The following GALNTL6 variants were observed in gnomAD, a reference collection of about 807,000 sequenced individuals.
GALNTL6 encodes polypeptide N-acetylgalactosaminyltransferase-like 6.
In GALNTL6, 46 loss-of-function variants were observed where a neutral mutation model predicts 73.7. The observed-to-expected ratio is 0.62, with a 90% CI of 0.49 to 0.80. The LOEUF (loss-of-function observed/expected upper bound fraction) is 0.80, where lower values mean the gene tolerates loss of function less well. Ranked by LOEUF, GALNTL6 falls within the 30% of genes least tolerant of loss-of-function variation. GALNTL6 has a pLI of 0.00. For synonymous variants in GALNTL6, 259 were observed against 263.7 expected, an observed-to-expected ratio of 0.98 and a Z score of 0.17; for missense variants, 604 against 755.0, an observed-to-expected ratio of 0.80 and a Z score of 2.34.
At chr4:172,581,922 CT>C in intron 5 of GALNTL6, among the ~76,000 whole-genome samples, 1 of 152,254 alleles carries the variant, frequency 6.6e-6, no homozygotes, top group South Asian at 2.1e-4. Flanking sequence ...GAAGACTTGC[CT>C]TTTTTTCTTG....
chr4:171,963,068 CTTTT>C (rs35330466), intron 2 of GALNTL6, among the ~76,000 whole-genome samples: 1 of 143,430 alleles, frequency 7.0e-6, no homozygotes, highest in Non-Finnish European at 1.5e-5. Context: ...GCCCAACCTA[CTTTT>C]TTTTTTTTTT....
intron 5 of GALNTL6, among the ~76,000 whole-genome samples, chr4:172,384,300 G>C (rs1743386377): frequency 6.6e-6 from 1 of 151,992 alleles, no homozygotes. Context: ...GATCTTTCCA[G>C]ATTTTTTATT....
intron 7 of GALNTL6, among the ~76,000 whole-genome samples, chr4:172,863,205 G>A (rs1020426386): frequency 1.3e-5 from 2 of 152,216 alleles, no homozygotes; most frequent in Admixed American, 6.5e-5. Context: ...AGGGAAAGAT[G>A]GGATCAGAGA....
At chr4:172,516,201 C>T (rs1734602198) in intron 5 of GALNTL6, among the ~76,000 whole-genome samples, 1 of 152,162 alleles carries the variant, frequency 6.6e-6, no homozygotes, top group Non-Finnish European at 1.5e-5. Flanking sequence ...AGGCAGCACT[C>T]AAATTACCTA....
rs1288515656 is a variant in GALNTL6, at chr4:171,978,930, G to C, written c.138+164212G>C. Among the ~76,000 whole-genome samples the C allele has an allele frequency of 3.9e-5, 6 of 152,082 alleles. No individual in the cohort carries two copies. In the East Asian group the frequency reaches 1.2e-3, roughly 29 times the overall value. ...TAAGAGATCTCTTCATTGAAATATA[G>C]TTATACATCTTTAAATTTTTAATCA... On this transcript the variant is annotated intron_variant, in intron 2 of 12. Coordinates refer to ENST00000506823, the MANE Select transcript of GALNTL6 (RefSeq NM_001034845.3).
chr4:172,054,743 A>G (rs1226041192), intron 2 of GALNTL6, among the ~76,000 whole-genome samples: 1 of 152,204 alleles, frequency 6.6e-6, no homozygotes. Context: ...TACAAAAGTA[A>G]CCGTATTCAA....
At chr4:171,886,731 C>T (rs1333521506) in intron 2 of GALNTL6, among the ~76,000 whole-genome samples, 1 of 152,076 alleles carries the variant, frequency 6.6e-6, no homozygotes, top group Non-Finnish European at 1.5e-5. Flanking sequence ...TTATTGGAGA[C>T]ATATTAATAT....
chr4:172,631,641 G>A (rs1316995412), intron 5 of GALNTL6, among the ~76,000 whole-genome samples: 1 of 152,066 alleles, frequency 6.6e-6, no homozygotes, highest in Non-Finnish European at 1.5e-5. Context: ...TAAAATTTCA[G>A]GAATATTATT....
intron 10 of GALNTL6, among the ~76,000 whole-genome samples, chr4:172,992,549 CTTTTA>C (rs1751587562): frequency 6.6e-6 from 1 of 152,080 alleles, no homozygotes; most frequent in Non-Finnish European, 1.5e-5. Context: ...AATTAGAGCT[CTTTTA>C]TTTATTTTAA....
chr4:172,159,673 A>AC (rs1326957727), intron 2 of GALNTL6, among the ~76,000 whole-genome samples: 2 of 152,200 alleles, frequency 1.3e-5, no homozygotes, highest in Non-Finnish European at 1.5e-5. Context: ...AGTTTTGTTA[A>AC]GTGAGGTCAA....
chr4:172,987,209 T>C (rs1751326582), intron 10 of GALNTL6, among the ~76,000 whole-genome samples: 1 of 151,978 alleles, frequency 6.6e-6, no homozygotes, highest in South Asian at 2.1e-4. Flanking sequence ...AGGAAAAAGG[T>C]TTAATAGACT....
chr4:172,082,872 G>C (rs577520318), intron 2 of GALNTL6, among the ~76,000 whole-genome samples: 1 of 152,216 alleles, frequency 6.6e-6, no homozygotes, highest in South Asian at 2.1e-4. Flanking sequence ...TGGAAGTGGA[G>C]GGAGAGGGGT....
intron 2 of GALNTL6, among the ~76,000 whole-genome samples, chr4:172,004,246 CT>C (rs1740761330): frequency 6.6e-6 from 1 of 152,200 alleles, no homozygotes; most frequent in Admixed American, 6.5e-5. Flanking sequence ...ATAAATTTCC[CT>C]TTTGTCTTCC....
At chr4:172,657,976 C>T (rs538967850) in intron 5 of GALNTL6, among the ~76,000 whole-genome samples, 1 of 148,312 alleles carries the variant, frequency 6.7e-6, no homozygotes, top group South Asian at 2.2e-4. Context: ...CGGTGAAACC[C>T]CGTCTCTACT....
chr4:172,687,625 CAA>C (rs34724807), intron 5 of GALNTL6, among the ~76,000 whole-genome samples: 56,732 of 128,870 alleles, frequency 0.44, 13,234 homozygotes, highest in East Asian at 0.68. Context: ...AAGACTGTCT[CAA>C]AAAAAAAAAA....
intron 5 of GALNTL6, among the ~76,000 whole-genome samples, chr4:172,589,850 T>C (rs1219413035): frequency 2.0e-5 from 3 of 152,194 alleles, no homozygotes; most frequent in Non-Finnish European, 4.4e-5. Flanking sequence ...TCTCTGTCTC[T>C]CTCTCTGTAG....
rs1332996731 is a variant in GALNTL6 at position 172,506,423 on chromosome 4, T to A, written c.553+157734T>A. Among the ~76,000 whole-genome samples the A allele has an allele frequency of 2.8e-4, 15 of 54,064 alleles. 6 individuals carry two copies. Among genetic ancestry groups the A allele is most frequent in the African/African-American group, 7.0e-4 (15 of 21,538 alleles). 35.5% of individuals were successfully genotyped at this position (54,064 alleles called of 152,430 possible). ...ATCAACACCCTCAGCTGTCCTACGA[T>A]CATTAAACTCTTTCTCTGCTGAAAA... On this transcript the variant is annotated intron_variant, in intron 5 of 12. Transcript: ENST00000506823.
At chr4:172,839,218 A>G (rs1431329007) in intron 7 of GALNTL6, among the ~76,000 whole-genome samples, 2 of 152,222 alleles carry the variant, frequency 1.3e-5, no homozygotes, top group African/African-American at 2.4e-5. Context: ...TGAATGTAGC[A>G]GTTACCGAAG....
At chr4:172,351,857 C>T (rs1741955363) in intron 5 of GALNTL6, among the ~76,000 whole-genome samples, 1 of 152,102 alleles carries the variant, frequency 6.6e-6, no homozygotes, top group South Asian at 2.1e-4. Context: ...TATTTACCAC[C>T]TTTGCACTAT....
Sources: allele counts gnomAD v4.1 joint callset (sites outside exome capture counted in the v4.1 genomes callset), GRCh38; gene constraint gnomAD v4.1.1; transcripts MANE v1.5; gene names NCBI Gene and HGNC (gene_info 2026-07-23, HGNC 2026-07-21).